LIMS1: variants seen among roughly 807,000 people sequenced by gnomAD.
The protein encoded by LIMS1 is LIM zinc finger domain containing 1, also known as LIM and senescent cell antigen-like-containing domain protein 1.
A neutral mutation model predicts 44.1 loss-of-function variants in LIMS1; 18 were observed. The ratio of observed to expected loss-of-function variants is 0.41; its 90% CI spans 0.28 to 0.61. LIMS1 has a LOEUF of 0.61. Among genes scored for constraint, LIMS1 ranks in the 20% least tolerant of loss-of-function variants. The pLI is 0.32. For synonymous variants in LIMS1, 93 were observed against 149.1 expected (o/e 0.62, Z 2.74); for missense variants, 201 against 422.0 (o/e 0.48, Z 4.59).
At chr2:108,666,727 T>C (rs966030968) in intron 2 of LIMS1, among the ~76,000 whole-genome samples, 1 of 144,178 alleles carries the variant, frequency 6.9e-6, no homozygotes, top group African/African-American at 2.6e-5. Flanking sequence ...AGTTGGAGGC[T>C]ACAGTGAGCT....
At position 108,546,269 on chromosome 2, in the gene LIMS1, C is replaced by CTTTTTTTT. The variant is rs35959257; in HGVS notation, c.32+11691_32+11698dup. On this transcript the variant is annotated intron_variant, in intron 1 of 9. Transcript: ENST00000544547. Reference sequence around the variant, plus strand: ...TTTTCCCTTGCTCTCAGGCTACCGCCTTTTTTTTTTTTTTTTTTTTTTTAG... The same window carrying CTTTTTTTT: ...TTTTCCCTTGCTCTCAGGCTACCGCCTTTTTTTTTTTTTTTTTTTTTTTTTTTTTTTAG... 1.0e-3 allele frequency among the ~76,000 whole-genome samples: 95 copies of CTTTTTTTT among 90,868 alleles called. 2 individuals carry two copies. Among genetic ancestry groups the CTTTTTTTT allele is most frequent in the African/African-American group, 2.8e-3 (65 of 23,068 alleles). 59.6% of individuals were successfully genotyped at this position (90,868 alleles called of 152,430 possible). A position where few individuals can be genotyped will look rare whatever the true frequency, so the allele number is the denominator to read the frequency against.
chr2:108,572,841 G>A (rs1025829280), intron 1 of LIMS1, among the ~76,000 whole-genome samples: 13 of 152,102 alleles, frequency 8.5e-5, no homozygotes, highest in African/African-American at 2.7e-4. Context: ...TTCTGGAACT[G>A]GCCGCTGAAC....
chr2:108,659,725 T>C, exon 2 of LIMS1: 1 of 1,612,446 alleles, frequency 6.2e-7, no homozygotes, highest in Non-Finnish European at 8.5e-7. Context: ...TCGTGTGCGC[T>C]CAGTGCTTCC....
intron 1 of LIMS1, among the ~76,000 whole-genome samples, chr2:108,582,133 A>G (rs930796960): frequency 1.3e-5 from 2 of 152,228 alleles, no homozygotes; most frequent in African/African-American, 4.8e-5. Flanking sequence ...TCAAACCCTG[A>G]CAAGCGGTTC....
At chr2:108,629,566 G>A (rs1365522640) in intron 1 of LIMS1, among the ~76,000 whole-genome samples, 3 of 152,218 alleles carry the variant, frequency 2.0e-5, no homozygotes, top group Non-Finnish European at 4.4e-5. Context: ...GAAAAGGTGT[G>A]GGTGGTTACT....
chr2:108,657,453 C>T (rs1440209429), intron 1 of LIMS1, among the ~76,000 whole-genome samples: 31 of 152,284 alleles, frequency 2.0e-4, no homozygotes, highest in Admixed American at 2.0e-3. Flanking sequence ...ATAATGAGAA[C>T]AGCACTGAGA....
At chr2:108,642,623 T>C (rs1418234548) in intron 1 of LIMS1, among the ~76,000 whole-genome samples, 1 of 152,114 alleles carries the variant, frequency 6.6e-6, no homozygotes. Context: ...CCTCCCAAAG[T>C]GCAGGGATTA....
chr2:108,592,297 C>T (rs1686445659), intron 1 of LIMS1, among the ~76,000 whole-genome samples: 2 of 152,198 alleles, frequency 1.3e-5, no homozygotes, highest in African/African-American at 4.8e-5. Flanking sequence ...CTGTAGAGTG[C>T]TTGATTAAAA....
chr2:108,637,734 C>T (rs902044802), intron 1 of LIMS1, among the ~76,000 whole-genome samples: 23 of 151,108 alleles, frequency 1.5e-4, no homozygotes, highest in African/African-American at 5.4e-4. Context: ...GATCACAATA[C>T]GAATAAAAAT....
intron 1 of LIMS1, among the ~76,000 whole-genome samples, chr2:108,570,041 TA>T (rs1196970225): frequency 6.6e-6 from 1 of 152,218 alleles, no homozygotes; most frequent in Non-Finnish European, 1.5e-5. Context: ...TTTGATAGGA[TA>T]ATATATTTAC....
At chr2:108,647,560 C>T (rs762216498) in intron 1 of LIMS1, among the ~76,000 whole-genome samples, 2 of 152,154 alleles carry the variant, frequency 1.3e-5, no homozygotes, top group Non-Finnish European at 2.9e-5. Flanking sequence ...ATGCGAAAAT[C>T]CTCAATAAAA....
intron 2 of LIMS1, among the ~76,000 whole-genome samples, chr2:108,668,570 C>A (rs1691950600): frequency 6.6e-6 from 1 of 152,152 alleles, no homozygotes; most frequent in South Asian, 2.1e-4. Flanking sequence ...AAAGAGTACT[C>A]CGCTGGGTAT....
intron 1 of LIMS1, among the ~76,000 whole-genome samples, chr2:108,631,811 G>A (rs1688943381): frequency 6.6e-6 from 1 of 152,164 alleles, no homozygotes; most frequent in African/African-American, 2.4e-5. Flanking sequence ...AGATCTGCCT[G>A]TTTTGTGGCT....
chr2:108,639,340 G>A (rs796891423), intron 1 of LIMS1, among the ~76,000 whole-genome samples: 14 of 152,346 alleles, frequency 9.2e-5, no homozygotes, highest in African/African-American at 3.4e-4. Flanking sequence ...TATGTCCTTT[G>A]TATGTTTCAC....
intron 1 of LIMS1, among the ~76,000 whole-genome samples, chr2:108,552,549 A>G (rs1229716521): frequency 6.9e-6 from 1 of 145,226 alleles, no homozygotes; most frequent in Non-Finnish European, 1.5e-5. Flanking sequence ...TATATACACT[A>G]TGAGTGAACT....
chr2:108,684,554 A>G (rs896894532), exon 10 of LIMS1: 1 of 151,958 alleles, frequency 6.6e-6, no homozygotes, highest in African/African-American at 2.4e-5. Flanking sequence ...GAACTACTTG[A>G]TTTTTTTTAG....
rs765279788 is a variant in LIMS1, at chr2:108,667,551, A to AAAAATATAT, written c.193-3229_193-3228insAAATATATA. 3.4e-3 allele frequency among the ~76,000 whole-genome samples: 444 copies of AAAAATATAT among 130,444 alleles called. 2 individuals carry two copies. Among genetic ancestry groups the AAAAATATAT allele is most frequent in the South Asian group, 0.011 (43 of 4,036 alleles). 85.6% of individuals were successfully genotyped at this position (130,444 alleles called of 152,430 possible). A position where few individuals can be genotyped will look rare whatever the true frequency, so the allele number is the denominator to read the frequency against. On this transcript the variant is annotated intron_variant, in intron 2 of 9. Transcript: ENST00000544547. ...TTCAACCTTTTTTAAAAAAAAAAAA[A>AAAAATATAT]ATATATATATATATATATACTGCTG...
chr2:108,547,786 G>A (rs574185779), intron 1 of LIMS1, among the ~76,000 whole-genome samples: 3 of 152,004 alleles, frequency 2.0e-5, no homozygotes, highest in Admixed American at 2.0e-4. Flanking sequence ...AGAATATATC[G>A]GTTCCCTTGG....
intron 2 of LIMS1, among the ~76,000 whole-genome samples, chr2:108,665,067 T>C (rs1691654845): frequency 6.6e-6 from 1 of 152,234 alleles, no homozygotes; most frequent in Admixed American, 6.5e-5. Flanking sequence ...CCCTGCCTTA[T>C]GTATTTTCTC....
Sources: gnomAD v4.1 joint callset for allele counts (sites outside exome capture counted in the v4.1 genomes callset) on GRCh38, gnomAD v4.1.1 for gene constraint, MANE v1.5 for transcripts, NCBI Gene and HGNC (gene_info 2026-07-23, HGNC 2026-07-21) for gene names.